Variants in ZBTB20 observed in about 807,000 individuals in gnomAD.
ZBTB20 encodes zinc finger and BTB domain containing 20, also known as zinc finger and BTB domain-containing protein 20.
A neutral mutation model predicts 56.9 loss-of-function variants in ZBTB20; 9 were observed. The ratio of observed to expected loss-of-function variants is 0.16; its 90% CI spans 0.10 to 0.28. The LOEUF is 0.28. ZBTB20 is among the 10% of genes least tolerant of loss of function. The pLI, the probability that ZBTB20 is intolerant of heterozygous loss-of-function variation, is 1.00. For synonymous variants in ZBTB20, 417 were observed against 420.7 expected, an observed-to-expected ratio of 0.99 and a Z score of 0.11; for missense variants, 655 against 1,003.0, an observed-to-expected ratio of 0.65 and a Z score of 4.69.
At chr3:114,428,096 G>A (rs1479610228) in intron 7 of ZBTB20, among the ~76,000 whole-genome samples, 1 of 152,132 alleles carries the variant, frequency 6.6e-6, no homozygotes, top group Non-Finnish European at 1.5e-5. Context: ...ATAATCCAAA[G>A]GGCACAATTT....
At chr3:114,547,459 G>A (rs1413321925) in intron 6 of ZBTB20, among the ~76,000 whole-genome samples, 1 of 152,196 alleles carries the variant, frequency 6.6e-6, no homozygotes, top group Non-Finnish European at 1.5e-5. Context: ...GTGACTGACT[G>A]AATGGTAATG....
intron 4 of ZBTB20, among the ~76,000 whole-genome samples, chr3:114,842,514 G>A (rs1243884321): frequency 1.3e-5 from 2 of 152,160 alleles, no homozygotes; most frequent in East Asian, 1.9e-4. Flanking sequence ...CCTTCACGGA[G>A]CTTACACAGT....
intron 7 of ZBTB20, among the ~76,000 whole-genome samples, chr3:114,419,502 C>G (rs1281797354): frequency 6.6e-6 from 1 of 152,030 alleles, no homozygotes; most frequent in Non-Finnish European, 1.5e-5. Flanking sequence ...CACATTGAGG[C>G]TGCTTTTCAA....
At chr3:114,993,679 A>C (rs981619314) in intron 2 of ZBTB20, among the ~76,000 whole-genome samples, 2 of 151,916 alleles carry the variant, frequency 1.3e-5, no homozygotes, top group African/African-American at 4.8e-5. Context: ...CAAAGAAGAA[A>C]TCATAATTGA....
chr3:114,763,726 C>T (rs556056820), intron 5 of ZBTB20, among the ~76,000 whole-genome samples: 1 of 151,858 alleles, frequency 6.6e-6, no homozygotes, highest in African/African-American at 2.4e-5. Context: ...GTCATACATG[C>T]AAGTGAGGTG....
chr3:114,878,686 T>C (rs918826959), intron 4 of ZBTB20, among the ~76,000 whole-genome samples: 1 of 152,062 alleles, frequency 6.6e-6, no homozygotes, highest in Non-Finnish European at 1.5e-5. Flanking sequence ...CTTCTCTCTG[T>C]AGCTCTCATC....
chr3:114,364,790 A>G (rs370984745), intron 10 of ZBTB20, among the ~76,000 whole-genome samples: 11 of 152,198 alleles, frequency 7.2e-5, no homozygotes, highest in African/African-American at 2.7e-4. Context: ...CCAACTGATT[A>G]ATTAGTAGAT....
intron 7 of ZBTB20, among the ~76,000 whole-genome samples, chr3:114,458,677 G>T (rs979327867): frequency 6.6e-6 from 1 of 151,540 alleles, no homozygotes; most frequent in African/African-American, 2.4e-5. Flanking sequence ...CTGAACGTAC[G>T]GGTTTTCAGT....
intron 6 of ZBTB20, among the ~76,000 whole-genome samples, chr3:114,638,865 A>C (rs73857636): frequency 0.025 from 3,739 of 152,216 alleles, 163 homozygotes; most frequent in African/African-American, 0.085. Flanking sequence ...TAAGCCCCCA[A>C]ATGATAAATG....
intron 2 of ZBTB20, among the ~76,000 whole-genome samples, chr3:115,003,450 A>C (rs770303269): frequency 6.6e-6 from 1 of 151,386 alleles, no homozygotes; most frequent in African/African-American, 2.4e-5. Context: ...GTTTTTTGTA[A>C]ACTTAAAACT....
chr3:114,679,478 T>G (rs892342791), intron 6 of ZBTB20, among the ~76,000 whole-genome samples: 3 of 152,048 alleles, frequency 2.0e-5, no homozygotes, highest in African/African-American at 7.2e-5. Flanking sequence ...GGCAAAGATA[T>G]GAACAGACAC....
intron 5 of ZBTB20, among the ~76,000 whole-genome samples, chr3:114,747,952 C>CAAAAA (rs2067188017): frequency 7.9e-5 from 11 of 139,228 alleles, no homozygotes; most frequent in African/African-American, 3.3e-4. Flanking sequence ...AAAAAAAAAC[C>CAAAAA]AAGATTGAGA....
intron 1 of ZBTB20, among the ~76,000 whole-genome samples, chr3:115,108,143 T>TA (rs537248243): frequency 1.2e-3 from 178 of 143,168 alleles, no homozygotes; most frequent in South Asian, 5.9e-3. Flanking sequence ...TCCTGGAACT[T>TA]AAAAAAAAAA....
At chr3:114,473,367 T>C (rs1031720198) in intron 7 of ZBTB20, among the ~76,000 whole-genome samples, 5 of 152,256 alleles carry the variant, frequency 3.3e-5, no homozygotes, top group Non-Finnish European at 7.3e-5. Context: ...AATTTGAAAG[T>C]AAGTTTGCAT....
chr3:114,886,752 G>C (rs550867884), intron 4 of ZBTB20, among the ~76,000 whole-genome samples: 2 of 152,110 alleles, frequency 1.3e-5, no homozygotes, highest in Non-Finnish European at 2.9e-5. Context: ...GACAGAAAAT[G>C]ATTCATAATT....
At chr3:115,103,928 A>C (rs1345382121) in intron 1 of ZBTB20, among the ~76,000 whole-genome samples, 1 of 152,222 alleles carries the variant, frequency 6.6e-6, no homozygotes, top group Non-Finnish European at 1.5e-5. Context: ...AGACTGGAAG[A>C]AAATATTTGC....
At chr3:114,668,308 A>C (rs1365243562) in intron 6 of ZBTB20, among the ~76,000 whole-genome samples, 1 of 151,984 alleles carries the variant, frequency 6.6e-6, no homozygotes, top group Non-Finnish European at 1.5e-5. Flanking sequence ...TCAGTACTTC[A>C]GTTTCATCAT....
At chr3:114,879,021 G>A (rs1254508585) in intron 4 of ZBTB20, among the ~76,000 whole-genome samples, 1 of 152,168 alleles carries the variant, frequency 6.6e-6, no homozygotes. Flanking sequence ...CCGTATCTGG[G>A]TGCTGCAAAT....
intron 5 of ZBTB20, among the ~76,000 whole-genome samples, chr3:114,785,164 A>G (rs75254501): frequency 7.7e-4 from 117 of 152,308 alleles, no homozygotes; most frequent in Non-Finnish European, 1.1e-3. Context: ...TCTGGGCTTT[A>G]GATCCTTCAG....
Sources: gnomAD v4.1 joint callset for allele counts (sites outside exome capture counted in the v4.1 genomes callset) on GRCh38, gnomAD v4.1.1 for gene constraint, MANE v1.5 for transcripts, NCBI Gene and HGNC (gene_info 2026-07-23, HGNC 2026-07-21) for gene names.